SPATA6: variants seen among roughly 807,000 people sequenced by gnomAD.
SPATA6 encodes the protein spermatogenesis associated 6.
SPATA6 carries 56 observed loss-of-function variants against 65.3 expected under a neutral mutation model. That is an observed-to-expected ratio of 0.86 (90% CI 0.69 to 1.07). The LOEUF (loss-of-function observed/expected upper bound fraction) is 1.07, where lower values mean the gene tolerates loss of function less well. SPATA6 is among the 50% of genes least tolerant of loss of function. SPATA6 has a pLI of 0.00. For synonymous variants in SPATA6, 199 were observed against 213.2 expected (o/e 0.93, Z 0.58); for missense variants, 590 against 594.8 (o/e 0.99, Z 0.08).
intron 9 of SPATA6, among the ~76,000 whole-genome samples, chr1:48,380,702 T>C (rs1213556527): frequency 6.6e-6 from 1 of 152,224 alleles, no homozygotes; most frequent in African/African-American, 2.4e-5. Context: ...GCAAGATCAA[T>C]AGGTCCTTGC....
intron 11 of SPATA6, among the ~76,000 whole-genome samples, chr1:48,338,196 C>G (rs779653369): frequency 2.0e-5 from 3 of 151,988 alleles, no homozygotes; most frequent in Non-Finnish European, 4.4e-5. Context: ...GAATCCAGGA[C>G]TATCTCCGCA....
intron 3 of SPATA6, among the ~76,000 whole-genome samples, chr1:48,442,738 A>C (rs887764931): frequency 1.3e-5 from 2 of 150,228 alleles, no homozygotes; most frequent in Non-Finnish European, 3.0e-5. Context: ...AAAAAAAAAA[A>C]AAAAAAACAG....
chr1:48,320,601 A>G (rs1197270893), intron 11 of SPATA6, among the ~76,000 whole-genome samples: 2 of 152,270 alleles, frequency 1.3e-5, no homozygotes, highest in African/African-American at 2.4e-5. Context: ...GACCTGTCCT[A>G]TGAGAAATGC....
In SPATA6 at chr1:48,452,933, C is replaced by T. The variant is rs932343067; in HGVS notation, c.189+61G>A. On this transcript the variant is annotated intron_variant, in intron 2 of 12. Transcript: ENST00000371847. ...ATAATTTGTGTTATAGGCTTTTATT[C>T]AAAAATTGGAACCACTTTGATGTTT... 6.4e-6 allele frequency: 10 copies of T among 1,557,098 alleles called. No individual in the cohort carries two copies. The African/African-American group carries it at 1.4e-4, about 22-fold the overall frequency.
chr1:48,277,165 G>A, the SPATA6 span, among the ~76,000 whole-genome samples: 1,872 of 146,282 alleles, frequency 0.013, 45 homozygotes, highest in African/African-American at 0.045. Context: ...GCTTAGTTTC[G>A]CTGTATATGA....
At chr1:48,292,960 T>C (rs931127836), downstream of SPATA6, among the ~76,000 whole-genome samples, 3 of 152,076 alleles carry the variant, frequency 2.0e-5, no homozygotes, top group East Asian at 5.8e-4. Flanking sequence ...CTGGGGTCCA[T>C]GAAGGAGAAA....
intron 11 of SPATA6, among the ~76,000 whole-genome samples, chr1:48,319,434 A>G (rs1384323180): frequency 6.6e-6 from 1 of 152,202 alleles, no homozygotes; most frequent in Non-Finnish European, 1.5e-5. Flanking sequence ...AACTATAAGC[A>G]GCTAGTGAGC....
intron 1 of SPATA6, among the ~76,000 whole-genome samples, chr1:48,468,581 T>G (rs1295553158): frequency 6.6e-6 from 1 of 152,252 alleles, no homozygotes; most frequent in East Asian, 1.9e-4. Flanking sequence ...CTGTCTGGAA[T>G]GGACCTGAAA....
chr1:48,301,175 A>G (rs1201256068), intron 12 of SPATA6, among the ~76,000 whole-genome samples: 1 of 152,080 alleles, frequency 6.6e-6, no homozygotes, highest in Non-Finnish European at 1.5e-5. Flanking sequence ...ATGAATAAAC[A>G]CATTTAGTAA....
intron 9 of SPATA6, among the ~76,000 whole-genome samples, chr1:48,373,597 A>T (rs1249286974): frequency 6.6e-6 from 1 of 152,192 alleles, no homozygotes; most frequent in Non-Finnish European, 1.5e-5. Flanking sequence ...TACTGGTAAC[A>T]ATTTACTGTA....
rs560523537 is a variant in SPATA6, at chr1:48,314,908, T to C, written c.1195-9030A>G. 5.6e-3 allele frequency among the ~76,000 whole-genome samples: 859 copies of C among 152,212 alleles called. 9 individuals carry two copies. The highest frequency in any genetic ancestry group is 0.02 in the African/African-American group (816 of 41,530). ...TACAAACTACCATCAGAGAATACTA[T>C]AAACACCTCTATGCAAATAAACTAG... is the stretch of plus-strand genomic sequence containing the variant. On this transcript the variant is annotated intron_variant, in intron 11 of 12. Coordinates refer to ENST00000371847, the MANE Select transcript of SPATA6 (RefSeq NM_019073.4).
chr1:48,351,281 C>T (rs1396292473), intron 11 of SPATA6, among the ~76,000 whole-genome samples: 1 of 151,938 alleles, frequency 6.6e-6, no homozygotes, highest in Non-Finnish European at 1.5e-5. Flanking sequence ...ATATCTTCTG[C>T]AAATACAGTT....
chr1:48,376,455 A>C (rs1647920569), intron 9 of SPATA6, among the ~76,000 whole-genome samples: 1 of 151,822 alleles, frequency 6.6e-6, no homozygotes, highest in African/African-American at 2.4e-5. Context: ...GAAATCTAAC[A>C]ATTTTTCTTA....
At chr1:48,274,955 T>C in the SPATA6 span, among the ~76,000 whole-genome samples, 16 of 152,352 alleles carry the variant, frequency 1.1e-4, no homozygotes, top group East Asian at 3.1e-3. Context: ...ACTATATTGA[T>C]TCTTCCTATC....
chr1:48,408,042 T>C (rs1298247718), intron 5 of SPATA6, among the ~76,000 whole-genome samples: 2 of 152,244 alleles, frequency 1.3e-5, no homozygotes, highest in African/African-American at 4.8e-5. Flanking sequence ...AGCATGCTAA[T>C]GGACACTGAA....
intron 9 of SPATA6, 108 bp downstream of exon 9, chr1:48,385,201 T>C: frequency 2.0e-6 from 2 of 981,138 alleles, no homozygotes; most frequent in Non-Finnish European, 2.8e-6. Context: ...TTACATTTTT[T>C]ACTAAATGAA....
chr1:48,289,766 A>G, the SPATA6 span, among the ~76,000 whole-genome samples: 3 of 152,094 alleles, frequency 2.0e-5, no homozygotes, highest in Non-Finnish European at 4.4e-5. Context: ...GAAGAATCAA[A>G]TGAATGAAAT....
At chr1:48,420,704 G>C (rs1389832701) in intron 3 of SPATA6, among the ~76,000 whole-genome samples, 1 of 152,134 alleles carries the variant, frequency 6.6e-6, no homozygotes, top group Non-Finnish European at 1.5e-5. Flanking sequence ...TAGTATAAGA[G>C]CCAGGGAGGC....
chr1:48,411,359 T>C, intron 5 of SPATA6, 105 bp downstream of exon 5: 1 of 1,297,420 alleles, frequency 7.7e-7, no homozygotes, highest in Admixed American at 2.8e-5. Flanking sequence ...TAAACTAAAT[T>C]ACACTTTGAA....
Sources: allele counts gnomAD v4.1 joint callset (sites outside exome capture counted in the v4.1 genomes callset), GRCh38; gene constraint gnomAD v4.1.1; transcripts MANE v1.5; gene names NCBI Gene and HGNC (gene_info 2026-07-23, HGNC 2026-07-21).